The following FOXP1 variants were observed in gnomAD, a reference collection of about 807,000 sequenced individuals.
FOXP1 encodes forkhead box protein P1.
Under a neutral mutation model 98.2 loss-of-function variants are expected in FOXP1, and 15 were observed. The ratio of observed to expected loss-of-function variants is 0.15; its 90% CI spans 0.10 to 0.24. The LOEUF (loss-of-function observed/expected upper bound fraction) is 0.24. FOXP1 is among the 10% of genes least tolerant of loss of function. The pLI is 1.00. For missense variants in FOXP1, 633 were observed against 848.5 expected, an observed-to-expected ratio of 0.75 and a Z score of 3.15; for synonymous variants, 371 against 314.5, an observed-to-expected ratio of 1.18 and a Z score of -1.90.
At chr3:71,494,292 C>T (rs2091262179) in intron 2 of FOXP1, among the ~76,000 whole-genome samples, 1 of 152,196 alleles carries the variant, frequency 6.6e-6, no homozygotes. Flanking sequence ...TTCCTTCTAC[C>T]TCTAAGCTTC....
intron 2 of FOXP1, among the ~76,000 whole-genome samples, chr3:71,505,529 G>A (rs1057366603): frequency 2.0e-5 from 3 of 148,778 alleles, no homozygotes; most frequent in Non-Finnish European, 1.5e-5. Context: ...AGGTTCAAGC[G>A]ATTCTCCTGC....
chr3:71,554,407 T>A lies in FOXP1; in HGVS notation c.-298+27142A>T, dbSNP rs2045980091. 2.0e-5 allele frequency among the ~76,000 whole-genome samples: 3 copies of A among 152,130 alleles called. 1 individual carries two copies. In the South Asian group the frequency reaches 6.2e-4, roughly 32 times the overall value. ...TCAAATGTGTTTAATCACCACAAAA[T>A]CAAATAACTTTATGTTCAATGTTAA... On this transcript the variant is annotated intron_variant, in intron 2 of 20. Coordinates refer to ENST00000649528, the MANE Select transcript of FOXP1 (RefSeq NM_001349338.3).
chr3:71,111,557 T>C (rs2057928271), intron 7 of FOXP1, among the ~76,000 whole-genome samples: 1 of 152,094 alleles, frequency 6.6e-6, no homozygotes, highest in South Asian at 2.1e-4. Flanking sequence ...GCCACCAAGC[T>C]TGGCTAACTT....
intron 3 of FOXP1, among the ~76,000 whole-genome samples, chr3:71,429,288 G>A (rs1288861381): frequency 2.6e-5 from 4 of 152,188 alleles, no homozygotes; most frequent in Non-Finnish European, 4.4e-5. Flanking sequence ...CCTTTTTGGT[G>A]AAGTGTGGGG....
At chr3:71,442,551 A>G (rs1468882693) in intron 3 of FOXP1, among the ~76,000 whole-genome samples, 18 of 152,214 alleles carry the variant, frequency 1.2e-4, no homozygotes, top group Non-Finnish European at 1.6e-4. Flanking sequence ...AGAAAGCTAC[A>G]TGGGCACGGA....
intron 2 of FOXP1, among the ~76,000 whole-genome samples, chr3:71,544,391 A>C (rs1046164525): frequency 6.6e-6 from 1 of 151,592 alleles, no homozygotes. Context: ...AAAAAAAAAA[A>C]GGAAAATTTG....
intron 4 of FOXP1, among the ~76,000 whole-genome samples, chr3:71,307,442 C>G (rs1200167851): frequency 6.6e-6 from 1 of 152,108 alleles, no homozygotes; most frequent in Non-Finnish European, 1.5e-5. Context: ...TATGGCATAA[C>G]ATGGAGAAAA....
chr3:71,448,036 C>A (rs1014766651), intron 3 of FOXP1, among the ~76,000 whole-genome samples: 1 of 152,186 alleles, frequency 6.6e-6, no homozygotes, highest in Admixed American at 6.5e-5. Context: ...TAGTGCCAGG[C>A]CTCATGGAAC....
chr3:71,575,874 C>T (rs903927078), intron 2 of FOXP1, among the ~76,000 whole-genome samples: 2 of 152,212 alleles, frequency 1.3e-5, no homozygotes, highest in African/African-American at 4.8e-5. Flanking sequence ...GGAGAAAGGA[C>T]ACCTCGGAAA....
chr3:71,230,615 C>A (rs564255169), intron 5 of FOXP1, among the ~76,000 whole-genome samples: 3 of 152,288 alleles, frequency 2.0e-5, no homozygotes, highest in East Asian at 3.9e-4. Flanking sequence ...AAACCAACAT[C>A]TAAAGTCTGC....
chr3:71,506,949 A>G (rs796075069), intron 2 of FOXP1, among the ~76,000 whole-genome samples: 1 of 152,290 alleles, frequency 6.6e-6, no homozygotes, highest in Non-Finnish European at 1.5e-5. Flanking sequence ...AAATTATCCA[A>G]TTGGAGAGCA....
At chr3:71,240,688 CG>C (rs2067191127) in intron 5 of FOXP1, among the ~76,000 whole-genome samples, 1 of 151,558 alleles carries the variant, frequency 6.6e-6, no homozygotes, top group African/African-American at 2.4e-5. Context: ...ATTACAGGCG[CG>C]TGCCACCATG....
At chr3:71,088,737 T>A (rs937189012) in intron 7 of FOXP1, among the ~76,000 whole-genome samples, 1 of 152,234 alleles carries the variant, frequency 6.6e-6, no homozygotes. Context: ...AAAATCACTC[T>A]GAGATTATCT....
intron 6 of FOXP1, among the ~76,000 whole-genome samples, chr3:71,122,743 G>A (rs2058868219): frequency 6.6e-6 from 1 of 152,184 alleles, no homozygotes; most frequent in Non-Finnish European, 1.5e-5. Flanking sequence ...AGATTGTCAA[G>A]TTCAGTGACT....
At chr3:71,017,411 ATAAT>A (rs2044664304) in intron 11 of FOXP1, among the ~76,000 whole-genome samples, 1 of 151,960 alleles carries the variant, frequency 6.6e-6, no homozygotes, top group Non-Finnish European at 1.5e-5. Context: ...TCCAACTTTA[ATAAT>A]TATTTTCTTT....
In FOXP1 at chr3:70,974,074, G is replaced by A. The variant is rs560223578; in HGVS notation, c.1531-1398C>T. ...TGGTGTGATGAATTGCTTGAAAGGA[G>A]AATTCACAGGATAAATTCCCAAAAA... On this transcript the variant is annotated intron_variant, in intron 17 of 20. Coordinates refer to ENST00000649528, the MANE Select transcript of FOXP1 (RefSeq NM_001349338.3). Among the ~76,000 whole-genome samples, 12 of 152,180 alleles carry A rather than the reference G, an allele frequency of 7.9e-5. No individual in the cohort carries two copies. In the South Asian group the frequency reaches 2.3e-3, roughly 29 times the overall value.
intron 3 of FOXP1, among the ~76,000 whole-genome samples, chr3:71,476,603 G>A (rs1435891274): frequency 6.6e-6 from 1 of 151,476 alleles, no homozygotes; most frequent in Admixed American, 6.6e-5. Context: ...CGATTCTCCG[G>A]CCTCAGCCTC....
chr3:71,532,286 G>A (rs910809571), intron 2 of FOXP1, among the ~76,000 whole-genome samples: 27 of 152,038 alleles, frequency 1.8e-4, no homozygotes, highest in Admixed American at 6.5e-4. Context: ...TTGTAGAGAC[G>A]GGGTTTTGCC....
intron 3 of FOXP1, among the ~76,000 whole-genome samples, chr3:71,482,163 T>C (rs1408824392): frequency 1.3e-5 from 2 of 152,136 alleles, no homozygotes; most frequent in Admixed American, 6.5e-5. Flanking sequence ...GAAAAGTTCC[T>C]ACTTCTAATC....
Sources: gnomAD v4.1 joint callset for allele counts (sites outside exome capture counted in the v4.1 genomes callset) on GRCh38, gnomAD v4.1.1 for gene constraint, MANE v1.5 for transcripts, NCBI Gene and HGNC (gene_info 2026-07-23, HGNC 2026-07-21) for gene names.